The following UBAP2 variants were observed in gnomAD, a reference collection of about 807,000 sequenced individuals.
UBAP2 encodes ubiquitin-associated protein 2.
A neutral mutation model predicts 139.6 loss-of-function variants in UBAP2; 75 were observed. That is an observed-to-expected ratio of 0.54 (90% confidence interval 0.45 to 0.65). The LOEUF (loss-of-function observed/expected upper bound fraction) is 0.65. UBAP2 is among the 30% of genes least tolerant of loss of function. The pLI is 0.00. For missense variants in UBAP2, 1,368 were observed against 1,369.6 expected (o/e 1.00, Z 0.02); for synonymous variants, 526 against 526.2 (o/e 1.00, Z 0.01).
At chr9:33,988,905 G>A in intron 5 of UBAP2, 68 bp downstream of exon 5, 1 of 1,528,796 alleles carries the variant, frequency 6.5e-7, no homozygotes, top group Non-Finnish European at 8.8e-7. Context: ...AAAACTTTGG[G>A]AGGCTGAGGC....
chr9:33,927,088 G>A lies in UBAP2; in HGVS notation c.2372-8C>T, dbSNP rs1267905557. On this transcript the variant is annotated splice_polypyrimidine_tract_variant and splice_region_variant and intron_variant, in intron 20 of 28. Coordinates refer to ENST00000379238, the MANE Select transcript of UBAP2 (RefSeq NM_001370062.2). ...AGTTTGGGGGTGCTTTGCCTGTATAGAGGGAAAAATCAAATGGAGTGAAAT... is the reference window on the plus strand; with the variant it reads ...AGTTTGGGGGTGCTTTGCCTGTATAAAGGGAAAAATCAAATGGAGTGAAAT... 1 of 1,603,690 alleles carries A rather than the reference G, an allele frequency of 6.2e-7. No homozygotes were observed.
At chr9:34,037,748 T>C (rs1826564509) in intron 1 of UBAP2, among the ~76,000 whole-genome samples, 2 of 152,074 alleles carry the variant, frequency 1.3e-5, no homozygotes, top group African/African-American at 2.4e-5. Context: ...CATTCAGTAG[T>C]GTACTTCAGT....
At chr9:34,028,298 G>A (rs1359940096) in intron 1 of UBAP2, among the ~76,000 whole-genome samples, 1 of 151,994 alleles carries the variant, frequency 6.6e-6, no homozygotes, top group Non-Finnish European at 1.5e-5. Context: ...GGAATTAATT[G>A]CCCATAGCTG....
intron 2 of UBAP2, among the ~76,000 whole-genome samples, chr9:34,001,026 A>T (rs1444421416): frequency 6.6e-6 from 1 of 152,216 alleles, no homozygotes; most frequent in Non-Finnish European, 1.5e-5. Flanking sequence ...CATTTTCCTG[A>T]ATCATAACCA....
intron 1 of UBAP2, among the ~76,000 whole-genome samples, chr9:34,031,814 A>T (rs1417241823): frequency 6.6e-6 from 1 of 151,750 alleles, no homozygotes; most frequent in African/African-American, 2.4e-5. Context: ...GAAAGAAAAA[A>T]AGAGGATCTA....
chr9:34,027,875 A>G (rs1825551039), intron 1 of UBAP2, among the ~76,000 whole-genome samples: 1 of 139,054 alleles, frequency 7.2e-6, no homozygotes, highest in Non-Finnish European at 1.6e-5. Context: ...AAAAAAAAAA[A>G]GAAAAGAAAA....
At chr9:33,958,229 T>C (rs1826728816) in intron 10 of UBAP2, among the ~76,000 whole-genome samples, 1 of 152,118 alleles carries the variant, frequency 6.6e-6, no homozygotes, top group Non-Finnish European at 1.5e-5. Flanking sequence ...CCCAAAGTGC[T>C]AGGGTTACAG....
chr9:33,941,596 A>T, intron 16 of UBAP2, 53 bp downstream of exon 16: 2 of 1,449,544 alleles, frequency 1.4e-6, no homozygotes, highest in Non-Finnish European at 1.9e-6. Context: ...ACCAAACATT[A>T]ATTTCCAAAT....
chr9:33,927,211 G>A, intron 20 of UBAP2, 131 bp from the exon 21 acceptor site: 2 of 650,240 alleles, frequency 3.1e-6, no homozygotes, highest in Non-Finnish European at 5.3e-6. Context: ...GGCCGAATGA[G>A]GCAGAGGGTC....
rs552165278 is a variant in UBAP2, at chr9:33,981,064, C to CATAT, written c.520+5692_520+5695dup. ...AAAAATAATATGGGCTTATTTACTTCATATATATATATATATATATATATA... is the reference window on the plus strand; with the variant it reads ...AAAAATAATATGGGCTTATTTACTTCATATATATATATATATATATATATATATA... On this transcript the variant is annotated intron_variant, in intron 6 of 28. Transcript: ENST00000379238. Among the ~76,000 whole-genome samples, 38 of 5,278 alleles carry CATAT rather than the reference C, an allele frequency of 7.2e-3. 15 individuals are homozygous for CATAT. The highest frequency in any genetic ancestry group is 0.034 in the South Asian group (4 of 116). 3.5% of individuals were successfully genotyped at this position (5,278 alleles called of 152,430 possible).
At chr9:33,926,189 A>T (rs1823413070) in intron 22 of UBAP2, among the ~76,000 whole-genome samples, 1 of 152,222 alleles carries the variant, frequency 6.6e-6, no homozygotes, top group Admixed American at 6.5e-5. Flanking sequence ...AAGAGCAGTC[A>T]CTGGCCATCT....
chr9:33,929,090 G>A (rs528244819), intron 19 of UBAP2, among the ~76,000 whole-genome samples: 10 of 152,320 alleles, frequency 6.6e-5, no homozygotes, highest in African/African-American at 1.9e-4. Context: ...CACCAGGAGC[G>A]GGCCAAAGGA....
At chr9:33,928,611 C>T (rs1823692501) in intron 19 of UBAP2, 1 of 152,316 alleles carries the variant, frequency 6.6e-6, no homozygotes, top group Non-Finnish European at 1.5e-5. Flanking sequence ...GACAAGGTAC[C>T]CCTGTGAAGA....
intron 1 of UBAP2, among the ~76,000 whole-genome samples, chr9:34,034,412 GTC>G (rs983171708): frequency 2.1e-4 from 32 of 152,120 alleles, no homozygotes; most frequent in Non-Finnish European, 4.3e-4. Flanking sequence ...TCTTAAAAAT[GTC>G]TGTTACCTAA....
intron 2 of UBAP2, among the ~76,000 whole-genome samples, chr9:34,008,902 T>C (rs1011011475): frequency 4.5e-5 from 6 of 134,650 alleles, no homozygotes; most frequent in African/African-American, 1.7e-4. Context: ...AAGGCAGAGG[T>C]TGCAGTGAGC....
intron 4 of UBAP2, 69 bp from the exon 5 acceptor site, chr9:33,989,195 G>A (rs913482172): frequency 4.4e-5 from 59 of 1,332,922 alleles, no homozygotes; most frequent in Admixed American, 6.1e-5. Flanking sequence ...GCACATGCAT[G>A]TATCTTTCTT....
chr9:34,008,907 G>A (rs981812253), intron 2 of UBAP2, among the ~76,000 whole-genome samples: 1 of 137,964 alleles, frequency 7.2e-6, no homozygotes, highest in African/African-American at 2.7e-5. Flanking sequence ...AGAGGTTGCA[G>A]TGAGCCAAGG....
chr9:33,976,474 A>G (rs1396208630), intron 6 of UBAP2, among the ~76,000 whole-genome samples: 1 of 152,222 alleles, frequency 6.6e-6, no homozygotes, highest in Non-Finnish European at 1.5e-5. Context: ...GGAAATGTCC[A>G]GAACACAAAA....
At chr9:33,993,490 G>A (rs1460173152) in intron 4 of UBAP2, among the ~76,000 whole-genome samples, 1 of 152,172 alleles carries the variant, frequency 6.6e-6, no homozygotes, top group East Asian at 1.9e-4. Flanking sequence ...TAGAAACACA[G>A]AGACCCCCTA....
Sources: allele counts gnomAD v4.1 joint callset (sites outside exome capture counted in the v4.1 genomes callset), GRCh38; gene constraint gnomAD v4.1.1; transcripts MANE v1.5; gene names NCBI Gene and HGNC (gene_info 2026-07-23, HGNC 2026-07-21).